Variants in MAD1L1 observed in about 807,000 individuals in gnomAD.
MAD1L1 encodes mitotic arrest deficient 1 like 1, also known as mitotic spindle assembly checkpoint protein MAD1.
Under a neutral mutation model 96.9 loss-of-function variants are expected in MAD1L1, and 95 were observed. The observed-to-expected ratio is 0.98, with a 90% CI of 0.83 to 1.16. The LOEUF is 1.16. Ranked by LOEUF, MAD1L1 falls within the 50% of genes most tolerant of loss-of-function variation. The probability of loss-of-function intolerance (pLI) is 0.00; values close to 1 mark genes in which losing one functional copy is unlikely to be tolerated. For synonymous variants in MAD1L1, 473 were observed against 396.6 expected (o/e 1.19, Z -2.29); for missense variants, 1,007 against 954.4 (o/e 1.06, Z -0.73).
At chr7:2,063,186 G>A (rs1057280115) in intron 12 of MAD1L1, among the ~76,000 whole-genome samples, 6 of 152,208 alleles carry the variant, frequency 3.9e-5, no homozygotes, top group Admixed American at 6.5e-5. Context: ...CTTTGCACAC[G>A]CAATGTGTTT....
At chr7:1,971,133 C>T (rs1016515356) in intron 15 of MAD1L1, among the ~76,000 whole-genome samples, 4 of 152,204 alleles carry the variant, frequency 2.6e-5, no homozygotes, top group African/African-American at 4.8e-5. Flanking sequence ...GTCTCAGGCC[C>T]GCAGTTAGAA....
At position 1,994,655 on chromosome 7, in the gene MAD1L1, C is replaced by CG. The variant is rs954741108; in HGVS notation, c.1416+7409dup. Reference sequence around the variant, plus strand: ...GTGAGGAGGCCACCGGGCGGAGCCTCGGGGGGGGGATTAGCACCCTCATAA... The same window carrying CG: ...GTGAGGAGGCCACCGGGCGGAGCCTCGGGGGGGGGGATTAGCACCCTCATAA... On this transcript the variant is annotated intron_variant, in intron 14 of 18. Coordinates refer to ENST00000265854, the MANE Select transcript of MAD1L1 (RefSeq NM_001013836.2). Among the ~76,000 whole-genome samples the CG allele has an allele frequency of 8.0e-4, 121 of 151,156 alleles. No individual in the cohort carries two copies. In the East Asian group the frequency reaches 0.012, roughly 15 times the overall value.
At chr7:2,180,125 C>A (rs1289659310) in intron 10 of MAD1L1, among the ~76,000 whole-genome samples, 2 of 152,194 alleles carry the variant, frequency 1.3e-5, no homozygotes, top group Non-Finnish European at 2.9e-5. Context: ...AAAGACTCAC[C>A]AGAACGCTGA....
chr7:1,865,915 G>T (rs1230254081), intron 18 of MAD1L1, among the ~76,000 whole-genome samples: 7 of 152,250 alleles, frequency 4.6e-5, no homozygotes, highest in African/African-American at 1.7e-4. Flanking sequence ...CCTCGGGGAA[G>T]CCCTGGACAA....
chr7:2,158,997 G>A (rs919245391), intron 10 of MAD1L1, among the ~76,000 whole-genome samples: 1 of 151,834 alleles, frequency 6.6e-6, no homozygotes, highest in Non-Finnish European at 1.5e-5. Flanking sequence ...AGCCTGGGCC[G>A]CTCCGTGACA....
chr7:2,216,212 G>A lies in MAD1L1; in HGVS notation c.754C>T (p.Leu252Phe), dbSNP rs765227766. ...VKNMKSELVRLPRLERELKQL... is the reference protein window; with the variant it reads ...VKNMKSELVRFPRLERELKQL... ...TTCAGCTCCCGTTCCAGCCTAGGGA[G>A]CCGTACCAGCTCAGACTTCATGTTC... is the stretch of plus-strand genomic sequence containing the variant. The change falls in exon 8 of 19, where the codon CTC (leucine) becomes TTC (phenylalanine). Residue 252 changes from leucine to phenylalanine, a missense_variant. Coordinates refer to ENST00000265854, the MANE Select transcript of MAD1L1 (RefSeq NM_001013836.2). 3.1e-6 allele frequency: 5 copies of A among 1,613,954 alleles called. No homozygotes were observed. Among genetic ancestry groups the A allele is most frequent in the Non-Finnish European group, 2.5e-6 (3 of 1,180,046 alleles).
intron 14 of MAD1L1, among the ~76,000 whole-genome samples, chr7:1,983,372 T>C (rs552916827): frequency 6.6e-6 from 1 of 152,296 alleles, no homozygotes; most frequent in Non-Finnish European, 1.5e-5. Context: ...CCTCTTGTGG[T>C]GGGGGAGAGC....
intron 13 of MAD1L1, among the ~76,000 whole-genome samples, chr7:2,002,913 C>T (rs1175956743): frequency 3.2e-5 from 2 of 63,136 alleles, no homozygotes; most frequent in Non-Finnish European, 6.7e-5. Flanking sequence ...ACATCCTCTC[C>T]CTCTGCCCCT....
At chr7:2,116,571 G>GA (rs1220598691) in intron 11 of MAD1L1, among the ~76,000 whole-genome samples, 2 of 150,756 alleles carry the variant, frequency 1.3e-5, no homozygotes, top group African/African-American at 2.5e-5. Flanking sequence ...GAGGGTTGGG[G>GA]GGGGGGGGGG....
chr7:1,880,374 T>C (rs1785616103), intron 18 of MAD1L1, among the ~76,000 whole-genome samples: 1 of 151,996 alleles, frequency 6.6e-6, no homozygotes, highest in Non-Finnish European at 1.5e-5. Context: ...GCTGTCCTGG[T>C]TAGAGGAGCT....
intron 18 of MAD1L1, chr7:1,847,864 G>A (rs1019297150): frequency 5.3e-6 from 2 of 375,896 alleles, no homozygotes; most frequent in African/African-American, 4.2e-5. Flanking sequence ...GTGCTGAGGG[G>A]ACAGAGGGTC....
chr7:1,826,143 G>A (rs1307686132), intron 18 of MAD1L1, among the ~76,000 whole-genome samples: 1 of 152,148 alleles, frequency 6.6e-6, no homozygotes. Flanking sequence ...AGGACTCCTG[G>A]CAGCCTCACA....
At chr7:1,932,772 G>A (rs1046290420) in intron 17 of MAD1L1, among the ~76,000 whole-genome samples, 5 of 152,226 alleles carry the variant, frequency 3.3e-5, no homozygotes, top group Non-Finnish European at 5.9e-5. Context: ...CGTCCTTGAG[G>A]CACTTCTGTT....
chr7:2,217,032 G>A (rs1026631825), intron 7 of MAD1L1, among the ~76,000 whole-genome samples: 1 of 152,110 alleles, frequency 6.6e-6, no homozygotes, highest in Non-Finnish European at 1.5e-5. Context: ...ACCTGCCCTC[G>A]GGGAGCTCTC....
chr7:2,002,350 G>T, intron 13 of MAD1L1, among the ~76,000 whole-genome samples: 1 of 152,206 alleles, frequency 6.6e-6, no homozygotes, highest in Non-Finnish European at 1.5e-5. Flanking sequence ...GACCGAGTGG[G>T]CTGCGGGAGG....
intron 17 of MAD1L1, among the ~76,000 whole-genome samples, chr7:1,920,100 G>C (rs1208663037): frequency 1.3e-5 from 2 of 152,134 alleles, no homozygotes; most frequent in Non-Finnish European, 2.9e-5. Flanking sequence ...TCAGAAGCCG[G>C]GGCTGTGTGG....
intron 12 of MAD1L1, among the ~76,000 whole-genome samples, chr7:2,050,460 T>C (rs962372781): frequency 1.3e-5 from 2 of 152,226 alleles, no homozygotes; most frequent in Non-Finnish European, 2.9e-5. Context: ...CTCTGGCTGG[T>C]GTCAGGCTGT....
intron 11 of MAD1L1, among the ~76,000 whole-genome samples, chr7:2,076,426 CCTCAGA>C (rs1785376847): frequency 6.6e-6 from 1 of 152,206 alleles, no homozygotes; most frequent in South Asian, 2.1e-4. Context: ...AGAGAGCCCT[CCTCAGA>C]CCCGGCACTG....
At chr7:1,957,372 T>C (rs1330836795) in intron 16 of MAD1L1, among the ~76,000 whole-genome samples, 1 of 152,110 alleles carries the variant, frequency 6.6e-6, no homozygotes, top group African/African-American at 2.4e-5. Context: ...ATAGTGCAAA[T>C]CTGCCCAGAG....
Sources: gnomAD v4.1 joint callset for allele counts (sites outside exome capture counted in the v4.1 genomes callset) on GRCh38, gnomAD v4.1.1 for gene constraint, MANE v1.5 for transcripts, NCBI Gene and HGNC (gene_info 2026-07-23, HGNC 2026-07-21) for gene names.